Variants in SCMH1 observed in about 807,000 individuals in gnomAD.
SCMH1 encodes polycomb protein SCMH1.
In SCMH1, 37 loss-of-function variants were observed where a neutral mutation model predicts 70.8. The observed-to-expected ratio is 0.52, with a 90% CI of 0.40 to 0.69. SCMH1 has a LOEUF of 0.69. Ranked by LOEUF, SCMH1 falls within the 30% of genes least tolerant of loss-of-function variation. The pLI, the probability that SCMH1 is intolerant of heterozygous loss-of-function variation, is 0.00. For synonymous variants in SCMH1, 292 were observed against 307.4 expected (o/e 0.95, Z 0.52); for missense variants, 607 against 827.3 (o/e 0.73, Z 3.27).
intron 8 of SCMH1, among the ~76,000 whole-genome samples, chr1:41,090,370 G>C (rs1411046747): frequency 6.6e-6 from 1 of 152,168 alleles, no homozygotes; most frequent in Non-Finnish European, 1.5e-5. Context: ...ACAGAAGGCA[G>C]TTAGATGCTC....
intron 4 of SCMH1, among the ~76,000 whole-genome samples, chr1:41,155,659 A>G (rs1444592064): frequency 6.6e-6 from 1 of 152,160 alleles, no homozygotes; most frequent in Non-Finnish European, 1.5e-5. Context: ...AGGGCAGTCA[A>G]AAAAGACATC....
chr1:41,080,575 A>G lies in SCMH1; in HGVS notation c.746-5124T>C, dbSNP rs192028018. On this transcript the variant is annotated intron_variant, in intron 8 of 14. Transcript: ENST00000337495. ...ATCATAACATGCAGGATAATATATC[A>G]TAACTAAGTGGGATTTATTTCAGAA... Among the ~76,000 whole-genome samples the G allele has an allele frequency of 3.4e-3, 517 of 152,308 alleles. 3 individuals carry two copies. Among genetic ancestry groups the G allele is most frequent in the African/African-American group, 0.011 (476 of 41,574 alleles).
chr1:41,179,485 A>C (rs1171299365), intron 2 of SCMH1, among the ~76,000 whole-genome samples: 3 of 152,212 alleles, frequency 2.0e-5, no homozygotes, highest in Admixed American at 6.5e-5. Context: ...ACTAATAAGA[A>C]AAGAGAGAAG....
At chr1:41,192,525 C>CA (rs1553171751) in intron 1 of SCMH1, among the ~76,000 whole-genome samples, 1 of 149,780 alleles carries the variant, frequency 6.7e-6, no homozygotes, top group Non-Finnish European at 1.5e-5. Flanking sequence ...CACACACACA[C>CA]CACTTAGAAC....
intron 10 of SCMH1, 22 bp downstream of exon 10, chr1:41,070,573 T>C (rs1656132594): frequency 6.2e-7 from 1 of 1,613,742 alleles, no homozygotes; most frequent in South Asian, 1.1e-5. Flanking sequence ...TGTGCGCAGG[T>C]AGTCCTGTCA....
In SCMH1 at chr1:41,105,951, T is replaced by G. The variant is rs562644198; in HGVS notation, c.745+7332A>C. 1.5e-4 allele frequency among the ~76,000 whole-genome samples: 23 copies of G among 151,850 alleles called. 1 individual carries two copies. Among genetic ancestry groups the G allele is most frequent in the African/African-American group, 5.6e-4 (23 of 41,268 alleles). On this transcript the variant is annotated intron_variant, in intron 8 of 14. Coordinates refer to ENST00000337495, the Ensembl canonical transcript of SCMH1. ...GTGCAGTGGCACGATCTTGGCTCACTGCAACCTCTACCTCCTGGGTTCAAG... is the reference window on the plus strand; with the variant it reads ...GTGCAGTGGCACGATCTTGGCTCACGGCAACCTCTACCTCCTGGGTTCAAG...
chr1:41,075,244 T>A, exon 9 of SCMH1: 1 of 1,614,156 alleles, frequency 6.2e-7, no homozygotes, highest in Non-Finnish European at 8.5e-7. Flanking sequence ...GGGACCTCTC[T>A]TCTTTGGGAA....
At position 41,046,372 on chromosome 1, in the gene SCMH1, C is replaced by T. The variant is rs770957904; in HGVS notation, c.1498+35G>A. 1.9e-6 allele frequency: 3 copies of T among 1,595,598 alleles called. No individual in the cohort carries two copies. The South Asian group carries it at 3.3e-5, about 18-fold the overall frequency. On this transcript the variant is annotated intron_variant, in intron 12 of 14. Coordinates refer to ENST00000337495, the Ensembl canonical transcript of SCMH1. ...GCAGGTGCTGCTGCTAGCCCTGTCC[C>T]CCACTCTCAGCCCAGGCCCCATCCC...
chr1:41,059,340 C>T (rs1651743071), intron 10 of SCMH1, among the ~76,000 whole-genome samples: 1 of 152,160 alleles, frequency 6.6e-6, no homozygotes, highest in Non-Finnish European at 1.5e-5. Flanking sequence ...CATATAAACC[C>T]CAAACCCCAG....
intron 5 of SCMH1, among the ~76,000 whole-genome samples, chr1:41,149,705 G>A (rs1644891932): frequency 6.6e-6 from 1 of 152,164 alleles, no homozygotes; most frequent in South Asian, 2.1e-4. Context: ...GCAATACTCA[G>A]GCTAAGGTTA....
At chr1:41,034,552 C>T (rs564206180) in intron 13 of SCMH1, among the ~76,000 whole-genome samples, 4 of 152,224 alleles carry the variant, frequency 2.6e-5, no homozygotes, top group Admixed American at 6.5e-5. Context: ...TAGTCTTGAT[C>T]TCTTGACCTC....
intron 2 of SCMH1, 62 bp from the exon 3 acceptor site, chr1:41,161,494 T>C (rs932896250): frequency 4.0e-6 from 6 of 1,500,252 alleles, no homozygotes; most frequent in Non-Finnish European, 5.3e-6. Flanking sequence ...ACTTTTCCAA[T>C]TTGGCAGTAT....
At chr1:41,140,825 A>T (rs1643991735) in intron 6 of SCMH1, among the ~76,000 whole-genome samples, 1 of 152,232 alleles carries the variant, frequency 6.6e-6, no homozygotes, top group African/African-American at 2.4e-5. Flanking sequence ...GAGCTATCAA[A>T]TAGTATCAAA....
At chr1:41,062,352 C>G (rs1274169213) in intron 10 of SCMH1, among the ~76,000 whole-genome samples, 1 of 151,960 alleles carries the variant, frequency 6.6e-6, no homozygotes, top group Admixed American at 6.6e-5. Flanking sequence ...GCCTGTAATC[C>G]TAGCACTTTG....
intron 1 of SCMH1, among the ~76,000 whole-genome samples, chr1:41,240,440 G>A (rs1230442173): frequency 1.3e-5 from 2 of 152,096 alleles, no homozygotes; most frequent in African/African-American, 4.8e-5. Context: ...GTAATTTTGG[G>A]CCTCCTGCTG....
intron 1 of SCMH1, among the ~76,000 whole-genome samples, chr1:41,201,048 T>C (rs905515836): frequency 1.3e-5 from 2 of 152,214 alleles, no homozygotes; most frequent in African/African-American, 2.4e-5. Flanking sequence ...GTTAGAATCC[T>C]ATATAGAAAA....
At chr1:41,132,207 C>G (rs941789633) in intron 6 of SCMH1, among the ~76,000 whole-genome samples, 2 of 152,208 alleles carry the variant, frequency 1.3e-5, no homozygotes, top group Non-Finnish European at 2.9e-5. Flanking sequence ...TCTCCAGCAT[C>G]TATTGTTTCC....
intron 8 of SCMH1, among the ~76,000 whole-genome samples, chr1:41,096,906 A>G (rs531679320): frequency 1.3e-5 from 2 of 152,350 alleles, no homozygotes; most frequent in East Asian, 3.9e-4. Context: ...AAGGGATTAC[A>G]CACATTAGCA....
chr1:41,196,164 C>A (rs1020261550), intron 1 of SCMH1, among the ~76,000 whole-genome samples: 8 of 152,010 alleles, frequency 5.3e-5, no homozygotes, highest in Non-Finnish European at 1.2e-4. Flanking sequence ...ACAGATTCAA[C>A]GCAATCCCTA....
Sources: gnomAD v4.1 joint callset for allele counts (sites outside exome capture counted in the v4.1 genomes callset) on GRCh38, gnomAD v4.1.1 for gene constraint, MANE v1.5 for transcripts, NCBI Gene and HGNC (gene_info 2026-07-23, HGNC 2026-07-21) for gene names.